PIGV: variants seen among roughly 807,000 people sequenced by gnomAD.
PIGV encodes phosphatidylinositol glycan anchor biosynthesis class V.
Under a neutral mutation model 39.2 loss-of-function variants are expected in PIGV, and 27 were observed. That is an observed-to-expected ratio of 0.69 (90% CI 0.51 to 0.95). PIGV has a LOEUF of 0.95. PIGV is among the 40% of genes least tolerant of loss of function. The pLI is 0.00. For missense variants in PIGV, 523 were observed against 586.4 expected, an observed-to-expected ratio of 0.89 and a Z score of 1.12; for synonymous variants, 232 against 241.7, an observed-to-expected ratio of 0.96 and a Z score of 0.37.
At chr1:26,789,700 A>C (rs950001969) in intron 1 of PIGV, among the ~76,000 whole-genome samples, 5 of 152,246 alleles carry the variant, frequency 3.3e-5, no homozygotes, top group Admixed American at 6.5e-5. Context: ...AGTGAGGATC[A>C]GAGAATTCCA....
chr1:26,792,888 TGGGGAAAG>T (rs1403059130), intron 2 of PIGV, among the ~76,000 whole-genome samples: 2 of 152,236 alleles, frequency 1.3e-5, no homozygotes, highest in African/African-American at 4.8e-5. Context: ...GTGTGAGTTC[TGGGGAAAG>T]GGTGTTAGAG....
chr1:26,798,315 TG>T lies in PIGV; in HGVS notation c.*472del, dbSNP rs747025759. On this transcript the variant is annotated 3_prime_UTR_variant, in exon 4 of 4. Transcript: ENST00000674202. ...TTTCCAAATGCGACATTGTTTCTGA[TG>T]TTTTTTTTTATGATTTGTGCATGTA... The T allele has an allele frequency of 1.8e-4, 29 of 157,626 alleles. No individual in the cohort carries two copies. Among genetic ancestry groups the T allele is most frequent in the Admixed American group, 3.7e-4 (6 of 16,242 alleles). The allele number at this position is 157,626 out of a possible 1,614,324, so 9.8% of individuals were successfully genotyped here. A position where few individuals can be genotyped will look rare whatever the true frequency, so the allele number is the denominator to read the frequency against.
chr1:26,799,488 A>T lies in PIGV; in HGVS notation c.*1644A>T, dbSNP rs552155986. Among the ~76,000 whole-genome samples the T allele has an allele frequency of 6.6e-6, 1 of 152,304 alleles. No individual in the cohort carries two copies. Among genetic ancestry groups the T allele is most frequent in the East Asian group, 1.9e-4 (1 of 5,186 alleles). On this transcript the variant is annotated 3_prime_UTR_variant, in exon 4 of 4. Transcript: ENST00000674202. ...CCCATTTAAGCCAAAACATCCAGTA[A>T]GCAGAAACTCTTCAAAACAGATGGG...
chr1:26,790,673 A>T, intron 1 of PIGV, 86 bp from the exon 2 acceptor site: 1 of 686,138 alleles, frequency 1.5e-6, no homozygotes, highest in South Asian at 1.7e-5. Context: ...TGTCATAGTA[A>T]TTCTGAGAGG....
At chr1:26,787,605 C>T (rs1388978010), upstream of PIGV, 3 of 152,288 alleles carry the variant, frequency 2.0e-5, no homozygotes, top group African/African-American at 7.2e-5. Context: ...AAGAGCGCGG[C>T]TCTGGTTTCT....
intron 2 of PIGV, 115 bp from the exon 3 acceptor site, chr1:26,793,989 CCCATCTCAG>C: frequency 1.1e-6 from 1 of 873,670 alleles, no homozygotes. Context: ...AAGTAATCCT[CCCATCTCAG>C]CCTGCCAAAG....
chr1:26,793,706 A>G lies in PIGV; in HGVS notation c.79-407A>G, dbSNP rs148261694. Among the ~76,000 whole-genome samples, 1,413 of 152,144 alleles carry G rather than the reference A, an allele frequency of 9.3e-3. 13 individuals are homozygous for G. Among genetic ancestry groups the G allele is most frequent in the African/African-American group, 0.032 (1,323 of 41,504 alleles). ...AGCCTCAACCTCCTGGGCTCAAGCAATCCTCCCATCTCAGCCCCCCCAAGT... is the reference window on the plus strand; with the variant it reads ...AGCCTCAACCTCCTGGGCTCAAGCAGTCCTCCCATCTCAGCCCCCCCAAGT... On this transcript the variant is annotated intron_variant, in intron 2 of 3. Transcript: ENST00000674202.
At chr1:26,792,896 G>A (rs2081330897) in intron 2 of PIGV, among the ~76,000 whole-genome samples, 2 of 152,198 alleles carry the variant, frequency 1.3e-5, no homozygotes, top group African/African-American at 4.8e-5. Flanking sequence ...TCTGGGGAAA[G>A]GGTGTTAGAG....
intron 2 of PIGV, 22 bp from the exon 3 acceptor site, chr1:26,794,091 C>A (rs2081346945): frequency 6.2e-7 from 1 of 1,612,696 alleles, no homozygotes; most frequent in Non-Finnish European, 8.5e-7. Flanking sequence ...AACCAAAATT[C>A]TGGTTTTTCT....
chr1:26,795,846 C>CTTTA (rs533475586), intron 3 of PIGV, among the ~76,000 whole-genome samples: 2,072 of 148,626 alleles, frequency 0.014, 24 homozygotes, highest in Middle Eastern at 0.025. Flanking sequence ...TTTTATTTTA[C>CTTTA]TTTATTTATT....
chr1:26,797,109 G>A (rs1324273894), intron 3 of PIGV, among the ~76,000 whole-genome samples: 1 of 152,184 alleles, frequency 6.6e-6, no homozygotes, highest in African/African-American at 2.4e-5. Flanking sequence ...AGCTGAGGGA[G>A]GCCATTTGGA....
At position 26,794,409 on chromosome 1, in the gene PIGV, GTTC is replaced by G. The variant is rs2081352322; in HGVS notation, c.379_381del (p.Phe127del). 1 of 1,614,244 alleles carries G rather than the reference GTTC, an allele frequency of 6.2e-7. No individual in the cohort carries two copies. The highest frequency in any genetic ancestry group is 1.7e-5 in the Admixed American group (1 of 60,026). On this transcript the variant is annotated inframe_deletion, in exon 3 of 4. Transcript: ENST00000674202. ...TTTCGGTAGCATCACTCAATTTCTTGTTCTTCATGTTGGCTGCAGTTGCACTTC... is the reference window on the plus strand; with the variant it reads ...TTTCGGTAGCATCACTCAATTTCTTGTTCATGTTGGCTGCAGTTGCACTTC...
intron 1 of PIGV, among the ~76,000 whole-genome samples, chr1:26,789,490 T>G (rs996085725): frequency 3.3e-5 from 5 of 152,350 alleles, no homozygotes; most frequent in African/African-American, 1.2e-4. Flanking sequence ...ACTGATTTCA[T>G]ATCTAGAGTC....
chr1:26,792,838 G>A (rs1252497168), intron 2 of PIGV, among the ~76,000 whole-genome samples: 2 of 152,196 alleles, frequency 1.3e-5, no homozygotes, highest in Non-Finnish European at 2.9e-5. Flanking sequence ...TATTAATGAA[G>A]ATGATGTGTG....
At position 26,797,944 on chromosome 1, in the gene PIGV, G is replaced by C. The variant is rs2081408894; in HGVS notation, c.*100G>C. ...CCTCTGCTGCCCTGGGATCATTACT[G>C]TGTCCATTATAATCTTTCTCTTTCT... On this transcript the variant is annotated 3_prime_UTR_variant, in exon 4 of 4. Transcript: ENST00000674202. The C allele has an allele frequency of 1.0e-6, 1 of 1,003,412 alleles. No individual in the cohort carries two copies. 62.2% of individuals were successfully genotyped at this position (1,003,412 alleles called of 1,614,324 possible). A position where few individuals can be genotyped will look rare whatever the true frequency, so the allele number is the denominator to read the frequency against.
chr1:26,792,190 C>A (rs920017804), intron 2 of PIGV, among the ~76,000 whole-genome samples: 6 of 151,944 alleles, frequency 3.9e-5, no homozygotes, highest in African/African-American at 1.2e-4. Flanking sequence ...CTCGCCCTGT[C>A]CCCCCAGGCT....
intron 2 of PIGV, among the ~76,000 whole-genome samples, chr1:26,792,470 G>A (rs2081324472): frequency 6.6e-6 from 1 of 152,124 alleles, no homozygotes; most frequent in Non-Finnish European, 1.5e-5. Context: ...TGGGACTACA[G>A]GCGCCCGCCA....
Position 26,787,956 on chromosome 1 carries a change from G to A in PIGV, c.-370G>A, listed in dbSNP as rs71636780. 8,614 of 152,460 alleles carry A rather than the reference G, an allele frequency of 0.057. 320 individuals are homozygous for A. The highest frequency in any genetic ancestry group is 0.08 in the Non-Finnish European group (5,419 of 68,134). The allele number at this position is 152,460 out of a possible 1,614,324, so 9.4% of individuals were successfully genotyped here. A position where few individuals can be genotyped will look rare whatever the true frequency, so the allele number is the denominator to read the frequency against. ...CCGTCGGCGGAGCCAGCGCGCAGGC[G>A]CGGGCCGCGTGGGCCCCGGATGGAG... On this transcript the variant is annotated 5_prime_UTR_variant, in exon 1 of 4. Transcript: ENST00000674202.
Position 26,794,614 on chromosome 1 carries a change from CT to C in PIGV, c.581del (p.Leu194ProfsTer32), listed in dbSNP as rs749838369. 1 of 1,614,256 alleles carries C rather than the reference CT, an allele frequency of 6.2e-7. No individual in the cohort carries two copies. The highest frequency in any genetic ancestry group is 1.1e-5 in the South Asian group (1 of 91,084). ...GAGGGGCCGAGTCTGGACTAGTGTA[CT>C]CCTCTTTGCCTTTGCCACTGGGGTA... is the stretch of plus-strand genomic sequence containing the variant. ...LERGRVWTSV[L>X]LFAFATGVRS... On this transcript the variant is annotated frameshift_variant, in exon 3 of 4. Coordinates refer to ENST00000674202, the MANE Select transcript of PIGV (RefSeq NM_017837.4). LOFTEE classifies it high-confidence loss of function.
Sources: gnomAD v4.1 joint callset for allele counts (sites outside exome capture counted in the v4.1 genomes callset) on GRCh38, gnomAD v4.1.1 for gene constraint, MANE v1.5 for transcripts, NCBI Gene and HGNC (gene_info 2026-07-23, HGNC 2026-07-21) for gene names.